PAX2: variants seen among roughly 807,000 people sequenced by gnomAD.
The protein encoded by PAX2 is paired box protein Pax-2.
In PAX2, 9 loss-of-function variants were observed where a neutral mutation model predicts 41.7. That is an observed-to-expected ratio of 0.22 (90% CI 0.13 to 0.38). The LOEUF is 0.38. Ranked by LOEUF, PAX2 falls within the 10% of genes least tolerant of loss-of-function variation. The probability of loss-of-function intolerance (pLI) is 1.00; values close to 1 mark genes in which losing one functional copy is unlikely to be tolerated. For missense variants in PAX2, 418 were observed against 531.6 expected (o/e 0.79, Z 2.10); for synonymous variants, 221 against 212.7 (o/e 1.04, Z -0.34).
chr10:100,813,235 G>T (rs1415148846), intron 7 of PAX2, among the ~76,000 whole-genome samples: 1 of 152,214 alleles, frequency 6.6e-6, no homozygotes, highest in Non-Finnish European at 1.5e-5. Flanking sequence ...GCCGCGCACT[G>T]GCAGAGCCTT....
chr10:100,760,061 T>G (rs1000591697), intron 3 of PAX2, among the ~76,000 whole-genome samples: 4 of 152,198 alleles, frequency 2.6e-5, no homozygotes, highest in Non-Finnish European at 4.4e-5. Context: ...CAAGCAGTGG[T>G]GCCTGCCTTA....
rs530119432 is a variant in PAX2, at chr10:100,769,201, T to C, written c.411-10297T>C. 1.8e-4 allele frequency among the ~76,000 whole-genome samples: 28 copies of C among 152,352 alleles called. No individual in the cohort carries two copies. In the East Asian group the frequency reaches 5.2e-3, roughly 28 times the overall value. On this transcript the variant is annotated intron_variant, in intron 3 of 9. Transcript: ENST00000355243. Reference sequence around the variant, plus strand: ...ACCTCTCTGAGTCTCAGCTTCCACATCTGTAGATTATGGACAATAATCTTC... The same window carrying C: ...ACCTCTCTGAGTCTCAGCTTCCACACCTGTAGATTATGGACAATAATCTTC...
intron 5 of PAX2, 70 bp downstream of exon 5, chr10:100,781,435 G>T: frequency 6.4e-7 from 1 of 1,558,026 alleles, no homozygotes; most frequent in Non-Finnish European, 8.9e-7. Flanking sequence ...CTCCGGTTTC[G>T]GCCTGGCCTC....
intron 7 of PAX2, among the ~76,000 whole-genome samples, chr10:100,813,717 T>C (rs1298673558): frequency 6.6e-6 from 1 of 152,176 alleles, no homozygotes; most frequent in East Asian, 1.9e-4. Context: ...TCCAAATTTA[T>C]ACCATGAGTA....
chr10:100,776,078 T>C (rs578182785), intron 3 of PAX2, among the ~76,000 whole-genome samples: 1 of 152,226 alleles, frequency 6.6e-6, no homozygotes, highest in Admixed American at 6.5e-5. Flanking sequence ...TCTCTTCCTC[T>C]TCACTGGTTC....
intron 3 of PAX2, among the ~76,000 whole-genome samples, chr10:100,761,489 A>G (rs964050009): frequency 5.3e-5 from 8 of 152,206 alleles, no homozygotes; most frequent in Non-Finnish European, 8.8e-5. Flanking sequence ...GTACAAAAAA[A>G]GTTGAGAGAA....
chr10:100,765,042 C>T (rs1288461404), intron 3 of PAX2, among the ~76,000 whole-genome samples: 2 of 152,110 alleles, frequency 1.3e-5, no homozygotes, highest in African/African-American at 2.4e-5. Flanking sequence ...TCTGTCTATT[C>T]TTGTCTGGCA....
chr10:100,760,675 C>T (rs1177813596), intron 3 of PAX2, among the ~76,000 whole-genome samples: 3 of 152,186 alleles, frequency 2.0e-5, no homozygotes. Flanking sequence ...TAGTCACCTC[C>T]TTTTATCATT....
chr10:100,743,373 G>A (rs960461816), upstream of PAX2, among the ~76,000 whole-genome samples: 1 of 152,112 alleles, frequency 6.6e-6, no homozygotes, highest in Non-Finnish European at 1.5e-5. Flanking sequence ...CATGGTACTT[G>A]TAACATAGGG....
intron 5 of PAX2, among the ~76,000 whole-genome samples, chr10:100,801,141 G>A (rs1455133382): frequency 6.6e-6 from 1 of 152,098 alleles, no homozygotes; most frequent in African/African-American, 2.4e-5. Context: ...AGCTGTCAGG[G>A]CACCTGCCCT....
intron 7 of PAX2, among the ~76,000 whole-genome samples, chr10:100,811,967 G>C (rs1287968512): frequency 6.6e-6 from 1 of 152,228 alleles, no homozygotes; most frequent in African/African-American, 2.4e-5. Flanking sequence ...CCTGGCCCTG[G>C]AGGCTGATTT....
Position 100,750,629 on chromosome 10 carries a change from A to T in PAX2, c.213-65A>T. 1 of 1,417,344 alleles carries T rather than the reference A, an allele frequency of 7.1e-7. No individual in the cohort carries two copies. The highest frequency in any genetic ancestry group is 1.4e-5 in the African/African-American group (1 of 70,978). 87.8% of individuals were successfully genotyped at this position (1,417,344 alleles called of 1,614,324 possible). A position where few individuals can be genotyped will look rare whatever the true frequency, so the allele number is the denominator to read the frequency against. The stretch of plus-strand genomic sequence containing the variant: ...AGGAGAGTGGCTCAGCAGCTCTGGA[A>T]CCTGCAGCCCCCCTGCCCCGCCACA... On this transcript the variant is annotated intron_variant, in intron 2 of 9. Transcript: ENST00000355243. The surrounding 1 kb of genome is among the most constrained non-coding windows in gnomAD (Gnocchi z 4.1).
intron 1 of PAX2, chr10:100,735,746 G>A: frequency 9.6e-7 from 1 of 1,040,364 alleles, no homozygotes; most frequent in Non-Finnish European, 1.2e-6. Context: ...AAGAGCGGCA[G>A]AGACCCGTCC....
At chr10:100,737,440 C>A (rs1844811332) in intron 1 of PAX2, among the ~76,000 whole-genome samples, 1 of 152,276 alleles carries the variant, frequency 6.6e-6, no homozygotes, top group Non-Finnish European at 1.5e-5. Flanking sequence ...GGCACAGCGG[C>A]CAGCGGCCCG....
intron 1 of PAX2, among the ~76,000 whole-genome samples, chr10:100,739,489 G>C (rs1844881035): frequency 6.6e-6 from 1 of 152,136 alleles, no homozygotes. Flanking sequence ...GTGCCGGCTC[G>C]CAACTCTGGG....
chr10:100,777,706 C>G (rs1205522408), intron 3 of PAX2, among the ~76,000 whole-genome samples: 1 of 152,180 alleles, frequency 6.6e-6, no homozygotes, highest in Non-Finnish European at 1.5e-5. Context: ...GTAGTGTGAT[C>G]TTGAGTGAGC....
chr10:100,764,136 ATTTTTTTTTTTT>A (rs145391942), intron 3 of PAX2, among the ~76,000 whole-genome samples: 3 of 103,746 alleles, frequency 2.9e-5, no homozygotes, highest in African/African-American at 8.2e-5. Context: ...CAAACATTGA[ATTTTTTTTTTTT>A]TTTTTTTTTT....
chr10:100,756,171 C>A (rs1845619346), intron 3 of PAX2, among the ~76,000 whole-genome samples: 1 of 152,102 alleles, frequency 6.6e-6, no homozygotes, highest in African/African-American at 2.4e-5. Flanking sequence ...AGATTAATCA[C>A]ACTCCATACC....
At chr10:100,823,214 A>T (rs1848428184) in intron 7 of PAX2, among the ~76,000 whole-genome samples, 1 of 152,220 alleles carries the variant, frequency 6.6e-6, no homozygotes, top group Non-Finnish European at 1.5e-5. Flanking sequence ...GATATTCAAG[A>T]TCATAAGAAC....
Sources: gnomAD v4.1 joint callset for allele counts (sites outside exome capture counted in the v4.1 genomes callset) on GRCh38, gnomAD v4.1.1 for gene constraint, Gnocchi (gnomAD v3.1) non-coding constraint, MANE v1.5 for transcripts, NCBI Gene and HGNC (gene_info 2026-07-23, HGNC 2026-07-21) for gene names.